Variants in NUDCD3 observed in about 807,000 individuals in gnomAD.
NUDCD3 encodes the protein nudC domain-containing protein 3.
In NUDCD3, 13 loss-of-function variants were observed where a neutral mutation model predicts 39.7. The ratio of observed to expected loss-of-function variants is 0.33; its 90% CI spans 0.21 to 0.52. The LOEUF is 0.52. Among genes scored for constraint, NUDCD3 ranks in the 20% least tolerant of loss-of-function variants. The pLI, the probability that NUDCD3 is intolerant of heterozygous loss-of-function variation, is 0.96. For missense variants in NUDCD3, 453 were observed against 458.1 expected (o/e 0.99, Z 0.10); for synonymous variants, 175 against 172.4 (o/e 1.02, Z -0.12).
rs79771170 is a variant in NUDCD3 at position 44,403,304 on chromosome 7, T to C, written c.786+1136A>G. ...GCCCCATTGCTGGAAACTCTACACA[T>C]CACACATAGGGCCTCACGTAGGGCC... On this transcript the variant is annotated intron_variant, in intron 4 of 5. Coordinates refer to ENST00000355451, the MANE Select transcript of NUDCD3 (RefSeq NM_015332.4). 5.8e-3 allele frequency among the ~76,000 whole-genome samples: 889 copies of C among 152,272 alleles called. 8 individuals are homozygous for C. The highest frequency in any genetic ancestry group is 0.02 in the African/African-American group (837 of 41,556).
chr7:44,435,472 T>C (rs2116914215), intron 2 of NUDCD3, among the ~76,000 whole-genome samples: 1 of 152,328 alleles, frequency 6.6e-6, no homozygotes, highest in East Asian at 1.9e-4. Flanking sequence ...GCACGTAGCA[T>C]ATGAAAAATC....
chr7:44,444,096 G>A (rs1034196403), intron 2 of NUDCD3, among the ~76,000 whole-genome samples: 10 of 152,286 alleles, frequency 6.6e-5, no homozygotes, highest in South Asian at 2.1e-4. Context: ...GAGCAAAACC[G>A]AAGGTTTGCT....
chr7:44,431,967 C>T (rs1799372804), intron 2 of NUDCD3, among the ~76,000 whole-genome samples: 1 of 152,112 alleles, frequency 6.6e-6, no homozygotes, highest in Admixed American at 6.5e-5. Flanking sequence ...CCACCGTGCC[C>T]AGCCTCCTTC....
At position 44,474,828 on chromosome 7, in the gene NUDCD3, T is replaced by C. The variant is rs114222210; in HGVS notation, c.509+10140A>G. ...AGTCAAATCGCTTGGAGGCTTCTTA[T>C]GCCTGAGCTTTCTTAAAGAAGGTGC... On this transcript the variant is annotated intron_variant, in intron 2 of 5. Transcript: ENST00000355451. 9.2e-3 allele frequency among the ~76,000 whole-genome samples: 1,396 copies of C among 152,304 alleles called. 24 individuals carry two copies. Among genetic ancestry groups the C allele is most frequent in the African/African-American group, 0.031 (1,301 of 41,578 alleles).
chr7:44,395,563 C>T (rs1183784594), intron 4 of NUDCD3, among the ~76,000 whole-genome samples: 1 of 152,204 alleles, frequency 6.6e-6, no homozygotes, highest in African/African-American at 2.4e-5. Context: ...TGCTCTAACC[C>T]TTCCTCTAAA....
chr7:44,397,331 C>G (rs1482840181), intron 4 of NUDCD3, among the ~76,000 whole-genome samples: 1 of 152,204 alleles, frequency 6.6e-6, no homozygotes, highest in East Asian at 1.9e-4. Flanking sequence ...CTGTAGAGAT[C>G]TGCCTGCTTT....
intron 2 of NUDCD3, among the ~76,000 whole-genome samples, chr7:44,435,664 G>A (rs899223783): frequency 4.6e-5 from 7 of 152,156 alleles, no homozygotes; most frequent in Admixed American, 4.6e-4. Flanking sequence ...TCACTATCTT[G>A]CACCATCTTC....
At chr7:44,486,259 G>T (rs1334702222) in intron 1 of NUDCD3, among the ~76,000 whole-genome samples, 3 of 152,178 alleles carry the variant, frequency 2.0e-5, no homozygotes, top group Non-Finnish European at 4.4e-5. Flanking sequence ...ATGCGGACAG[G>T]TATTAAATAA....
chr7:44,465,519 ACT>A (rs1416171040), intron 2 of NUDCD3, among the ~76,000 whole-genome samples: 1 of 152,194 alleles, frequency 6.6e-6, no homozygotes. Flanking sequence ...CACAGGGAGA[ACT>A]CTCTGCACTT....
rs1185061132 is a variant in NUDCD3 at position 44,382,203 on chromosome 7, G to A, written c.*3808C>T. ...TCAGTACTAAAAAATAAAACCGAGT[G>A]GGAGGAAGGTGAGGACTGAAAAACT... On this transcript the variant is annotated 3_prime_UTR_variant, in exon 6 of 6. Transcript: ENST00000355451. The A allele has an allele frequency of 6.6e-6, 1 of 152,146 alleles. No homozygotes were observed. Among genetic ancestry groups the A allele is most frequent in the South Asian group, 2.1e-4 (1 of 4,828 alleles). 9.4% of individuals were successfully genotyped at this position (152,146 alleles called of 1,614,324 possible).
chr7:44,412,290 C>T (rs1311431455), intron 3 of NUDCD3, among the ~76,000 whole-genome samples: 1 of 152,238 alleles, frequency 6.6e-6, no homozygotes, highest in Non-Finnish European at 1.5e-5. Context: ...ACCCAGAGTA[C>T]TCACAACCAA....
intron 2 of NUDCD3, among the ~76,000 whole-genome samples, chr7:44,450,970 C>A (rs1799785059): frequency 6.6e-6 from 1 of 151,994 alleles, no homozygotes; most frequent in African/African-American, 2.4e-5. Context: ...ACGGTTGAAC[C>A]TAAAAATAAT....
chr7:44,431,545 C>A (rs75765765), intron 2 of NUDCD3, among the ~76,000 whole-genome samples: 1 of 151,950 alleles, frequency 6.6e-6, no homozygotes, highest in Non-Finnish European at 1.5e-5. Flanking sequence ...GTCATGCAGA[C>A]AAGCAGTTCC....
intron 3 of NUDCD3, among the ~76,000 whole-genome samples, chr7:44,407,187 C>T (rs560027857): frequency 1.3e-5 from 2 of 150,716 alleles, no homozygotes; most frequent in East Asian, 2.0e-4. Context: ...GGTGGTGGGA[C>T]GAGCAGGTTT....
In NUDCD3 at chr7:44,448,028, A is replaced by G. The variant is rs1250994335; in HGVS notation, c.510-20325T>C. 2.6e-5 allele frequency among the ~76,000 whole-genome samples: 4 copies of G among 152,258 alleles called. No individual in the cohort carries two copies. In the East Asian group the frequency reaches 7.7e-4, roughly 29 times the overall value. On this transcript the variant is annotated intron_variant, in intron 2 of 5. Coordinates refer to ENST00000355451, the MANE Select transcript of NUDCD3 (RefSeq NM_015332.4). ...ACCCCAGTTCTTCAGGCTGTAATGCACCTGTCAGGCCGCCGCCTGCACCCA... is the reference window on the plus strand; with the variant it reads ...ACCCCAGTTCTTCAGGCTGTAATGCGCCTGTCAGGCCGCCGCCTGCACCCA...
intron 2 of NUDCD3, among the ~76,000 whole-genome samples, chr7:44,445,852 C>A (rs1799681488): frequency 6.6e-6 from 1 of 152,194 alleles, no homozygotes; most frequent in African/African-American, 2.4e-5. Flanking sequence ...TTCAAGAATT[C>A]CAGATAAAGG....
At chr7:44,422,363 T>A (rs879472108) in intron 3 of NUDCD3, among the ~76,000 whole-genome samples, 3 of 151,854 alleles carry the variant, frequency 2.0e-5, no homozygotes, top group South Asian at 2.1e-4. Flanking sequence ...CTGTTTTTTT[T>A]AAAAGATTAA....
chr7:44,481,228 T>A (rs1800484290), intron 2 of NUDCD3: 1 of 152,156 alleles, frequency 6.6e-6, no homozygotes. Context: ...CAGGAACCAA[T>A]CCCCTGCAGA....
intron 2 of NUDCD3, among the ~76,000 whole-genome samples, chr7:44,442,452 A>G (rs927297692): frequency 6.6e-6 from 1 of 152,120 alleles, no homozygotes; most frequent in African/African-American, 2.4e-5. Context: ...TGAGGGTGTA[A>G]GCACATGCAG....
Sources: gnomAD v4.1 joint callset for allele counts (sites outside exome capture counted in the v4.1 genomes callset) on GRCh38, gnomAD v4.1.1 for gene constraint, MANE v1.5 for transcripts, NCBI Gene and HGNC (gene_info 2026-07-23, HGNC 2026-07-21) for gene names.